Variants in ADAMTS12 observed in about 807,000 individuals in gnomAD.
ADAMTS12 encodes the protein A disintegrin and metalloproteinase with thrombospondin motifs 12.
Under a neutral mutation model 167.8 loss-of-function variants are expected in ADAMTS12, and 118 were observed. That is an observed-to-expected ratio of 0.70 (90% confidence interval 0.61 to 0.82). The LOEUF (loss-of-function observed/expected upper bound fraction) is 0.82, where lower values mean the gene tolerates loss of function less well. Among genes scored for constraint, ADAMTS12 ranks in the 40% least tolerant of loss-of-function variants. ADAMTS12 has a pLI of 0.00. For synonymous variants in ADAMTS12, 704 were observed against 716.9 expected (o/e 0.98, Z 0.29); for missense variants, 1,916 against 1,998.8 (o/e 0.96, Z 0.79).
chr5:33,637,219 G>T (rs57395688), intron 12 of ADAMTS12, among the ~76,000 whole-genome samples: 81,901 of 151,888 alleles, frequency 0.54, 23,296 homozygotes, highest in Non-Finnish European at 0.62. Flanking sequence ...CCTTTTCTTC[G>T]GAATTTCTGA....
intron 2 of ADAMTS12, among the ~76,000 whole-genome samples, chr5:33,825,542 A>G (rs1406860330): frequency 6.6e-6 from 1 of 152,226 alleles, no homozygotes. Context: ...CAGATGCTAC[A>G]CAAACCCAAA....
chr5:33,879,546 T>TC (rs1479494942), intron 2 of ADAMTS12, among the ~76,000 whole-genome samples: 3 of 151,990 alleles, frequency 2.0e-5, no homozygotes, highest in Non-Finnish European at 4.4e-5. Context: ...GTTCTGCAGC[T>TC]CAATGAAGCC....
chr5:33,599,733 T>C (rs149884027), intron 16 of ADAMTS12, among the ~76,000 whole-genome samples: 13 of 152,324 alleles, frequency 8.5e-5, no homozygotes, highest in African/African-American at 2.9e-4. Context: ...TCCTTTGCAG[T>C]AAAAATCCTA....
intron 2 of ADAMTS12, among the ~76,000 whole-genome samples, chr5:33,817,344 T>C (rs1747699613): frequency 6.6e-6 from 1 of 152,162 alleles, no homozygotes; most frequent in Non-Finnish European, 1.5e-5. Context: ...TATCATTTAG[T>C]CAGTCAAGAA....
rs371043013 is a variant in ADAMTS12 at position 33,568,899 on chromosome 5, C to G, written c.3972+7155G>C. Among the ~76,000 whole-genome samples the G allele has an allele frequency of 2.6e-3, 403 of 152,360 alleles. 4 individuals carry two copies. The highest frequency in any genetic ancestry group is 8.6e-3 in the African/African-American group (357 of 41,590). ...TCAGGCCACTCCCACCTGAATACTG[C>G]GCTTTTCCGACGGGCTTAGGAAATG... On this transcript the variant is annotated intron_variant, in intron 19 of 23. Coordinates refer to ENST00000504830, the MANE Select transcript of ADAMTS12 (RefSeq NM_030955.4).
At chr5:33,761,354 C>T (rs1745348929) in intron 2 of ADAMTS12, among the ~76,000 whole-genome samples, 1 of 152,210 alleles carries the variant, frequency 6.6e-6, no homozygotes, top group South Asian at 2.1e-4. Context: ...CGGTGACCAT[C>T]CTCCTTACTG....
chr5:33,532,595 GA>G (rs1371362196), intron 23 of ADAMTS12, among the ~76,000 whole-genome samples: 1 of 151,350 alleles, frequency 6.6e-6, no homozygotes, highest in Admixed American at 6.6e-5. Context: ...TAATCAATAA[GA>G]ATGTAATGCT....
chr5:33,798,361 G>A (rs1255724111), intron 2 of ADAMTS12, among the ~76,000 whole-genome samples: 1 of 149,800 alleles, frequency 6.7e-6, no homozygotes, highest in Non-Finnish European at 1.5e-5. Flanking sequence ...CCCTCTCCTT[G>A]GTTAGCAGAC....
chr5:33,548,450 T>A lies in ADAMTS12; in HGVS notation c.4302+757A>T, dbSNP rs142628798. On this transcript the variant is annotated intron_variant, in intron 21 of 23. Coordinates refer to ENST00000504830, the MANE Select transcript of ADAMTS12 (RefSeq NM_030955.4). ...GTCATGGAGATAATTAAACCAAGTA[T>A]CATAGGGAAAGTGCCTAGCTCCTGG... 2.3e-3 allele frequency among the ~76,000 whole-genome samples: 356 copies of A among 152,288 alleles called. 2 individuals carry two copies. Among genetic ancestry groups the A allele is most frequent in the African/African-American group, 8.3e-3 (346 of 41,554 alleles).
chr5:33,666,895 T>C (rs1325245450), intron 5 of ADAMTS12, among the ~76,000 whole-genome samples: 1 of 152,192 alleles, frequency 6.6e-6, no homozygotes, highest in African/African-American at 2.4e-5. Context: ...CCAGTGAGGT[T>C]CTACATAATA....
At chr5:33,573,618 T>C (rs979227178) in intron 19 of ADAMTS12, among the ~76,000 whole-genome samples, 4 of 152,254 alleles carry the variant, frequency 2.6e-5, no homozygotes, top group African/African-American at 9.6e-5. Flanking sequence ...AAGACTTACA[T>C]GTTAGACCTA....
intron 2 of ADAMTS12, among the ~76,000 whole-genome samples, chr5:33,818,221 A>G (rs1747737983): frequency 6.6e-6 from 1 of 151,968 alleles, no homozygotes; most frequent in Non-Finnish European, 1.5e-5. Context: ...TATTTTATAT[A>G]TATCTTATAT....
chr5:33,767,621 A>G (rs891305292), intron 2 of ADAMTS12, among the ~76,000 whole-genome samples: 1 of 152,176 alleles, frequency 6.6e-6, no homozygotes, highest in Non-Finnish European at 1.5e-5. Context: ...TTTTAGGGAT[A>G]TTTGTTCATT....
At chr5:33,752,011 G>C (rs1554040149) in intron 2 of ADAMTS12, among the ~76,000 whole-genome samples, 1 of 152,334 alleles carries the variant, frequency 6.6e-6, no homozygotes, top group East Asian at 1.9e-4. Context: ...TGTGTGGCTG[G>C]AAGTGTTTAA....
At position 33,607,546 on chromosome 5, in the gene ADAMTS12, G is replaced by T. The variant is rs150424658; in HGVS notation, c.2527+6692C>A. Among the ~76,000 whole-genome samples the T allele has an allele frequency of 9.2e-5, 14 of 152,264 alleles. No individual in the cohort carries two copies. In the East Asian group the frequency reaches 2.5e-3, roughly 27 times the overall value. On this transcript the variant is annotated intron_variant, in intron 16 of 23. Coordinates refer to ENST00000504830, the MANE Select transcript of ADAMTS12 (RefSeq NM_030955.4). Reference sequence around the variant, plus strand: ...AATAGTTTTTTTCTAGTTCCGTGAAGAATCTAAATGGTAGTTTAATAGTAA... The same window carrying T: ...AATAGTTTTTTTCTAGTTCCGTGAATAATCTAAATGGTAGTTTAATAGTAA...
intron 20 of ADAMTS12, among the ~76,000 whole-genome samples, chr5:33,555,535 T>C (rs1302133853): frequency 1.3e-5 from 2 of 152,160 alleles, no homozygotes; most frequent in Admixed American, 6.5e-5. Flanking sequence ...AGGCATGAGC[T>C]ACAGTGCCCA....
chr5:33,838,955 C>T (rs1399439952), intron 2 of ADAMTS12, among the ~76,000 whole-genome samples: 3 of 152,166 alleles, frequency 2.0e-5, no homozygotes, highest in Non-Finnish European at 4.4e-5. Flanking sequence ...GGATAAAAAA[C>T]GACTGGATTC....
chr5:33,859,206 T>C (rs1749515838), intron 2 of ADAMTS12, among the ~76,000 whole-genome samples: 1 of 152,200 alleles, frequency 6.6e-6, no homozygotes, highest in Non-Finnish European at 1.5e-5. Flanking sequence ...AGCCAAGTGG[T>C]CTAGCTCCCC....
At chr5:33,678,752 G>T (rs1464430272) in intron 5 of ADAMTS12, among the ~76,000 whole-genome samples, 1 of 152,128 alleles carries the variant, frequency 6.6e-6, no homozygotes, top group Non-Finnish European at 1.5e-5. Context: ...TTGGAGAAAG[G>T]GTGGCAGGAG....
Sources: allele counts gnomAD v4.1 joint callset (sites outside exome capture counted in the v4.1 genomes callset), GRCh38; gene constraint gnomAD v4.1.1; transcripts MANE v1.5; gene names NCBI Gene and HGNC (gene_info 2026-07-23, HGNC 2026-07-21).